STOX2: variants seen among roughly 807,000 people sequenced by gnomAD.
STOX2 encodes storkhead-box protein 2.
STOX2 carries 28 observed loss-of-function variants against 60.9 expected under a neutral mutation model. That is an observed-to-expected ratio of 0.46 (90% CI 0.34 to 0.63). The LOEUF is 0.63. STOX2 is among the 30% of genes least tolerant of loss of function. STOX2 has a pLI of 0.01. For synonymous variants in STOX2, 472 were observed against 463.9 expected (o/e 1.02, Z -0.22); for missense variants, 1,024 against 1,187.7 (o/e 0.86, Z 2.03).
rs75133727 is a variant in STOX2, at chr4:183,874,178, A to G, written c.364+76123A>G. Among the ~76,000 whole-genome samples the G allele has an allele frequency of 2.8e-3, 434 of 152,298 alleles. 1 individual carries two copies. Among genetic ancestry groups the G allele is most frequent in the African/African-American group, 8.9e-3 (369 of 41,556 alleles). On this transcript the variant is annotated intron_variant, in intron 1 of 2. Coordinates refer to the STOX2 transcript ENST00000513034. ...AACAGATTGCAGAGACTTGGAGAAA[A>G]AAAAATGTCACGGATGTGTCCAACC...
At chr4:183,898,630 T>C (rs929191257) in intron 1 of STOX2, among the ~76,000 whole-genome samples, 1 of 152,110 alleles carries the variant, frequency 6.6e-6, no homozygotes, top group Non-Finnish European at 1.5e-5. Context: ...AGAAGGGCGA[T>C]TGGGTGGAAT....
chr4:183,982,409 G>A (rs1396385801), intron 1 of STOX2, among the ~76,000 whole-genome samples: 1 of 152,192 alleles, frequency 6.6e-6, no homozygotes, highest in African/African-American at 2.4e-5. Flanking sequence ...CCACCACTTA[G>A]TCAATCCTGG....
At chr4:183,937,309 A>C (rs1486906259) in intron 1 of STOX2, among the ~76,000 whole-genome samples, 2 of 152,224 alleles carry the variant, frequency 1.3e-5, no homozygotes, top group Non-Finnish European at 2.9e-5. Flanking sequence ...AGTTAATGTC[A>C]GTTTCCTGTT....
intron 1 of STOX2, among the ~76,000 whole-genome samples, chr4:183,840,382 C>T (rs565757655): frequency 2.0e-4 from 31 of 152,312 alleles, no homozygotes; most frequent in African/African-American, 7.5e-4. Flanking sequence ...GGAATTCTCT[C>T]GGTAATTTCT....
chr4:183,807,667 C>T (rs1216775130), intron 1 of STOX2, among the ~76,000 whole-genome samples: 2 of 152,168 alleles, frequency 1.3e-5, no homozygotes, highest in Non-Finnish European at 2.9e-5. Flanking sequence ...GTTTGGCAGC[C>T]CTGGTGGGTG....
chr4:183,867,182 A>G (rs911780043), intron 1 of STOX2, among the ~76,000 whole-genome samples: 2 of 152,142 alleles, frequency 1.3e-5, no homozygotes, highest in Non-Finnish European at 2.9e-5. Context: ...TCTATTACCC[A>G]TGTGGGCACA....
At chr4:184,003,514 A>G (rs1375568858) in intron 2 of STOX2, among the ~76,000 whole-genome samples, 1 of 152,244 alleles carries the variant, frequency 6.6e-6, no homozygotes, top group African/African-American at 2.4e-5. Context: ...TCTGTGTGAC[A>G]CTGATGACTC....
intron 1 of STOX2, among the ~76,000 whole-genome samples, chr4:183,884,438 G>T (rs1741034370): frequency 6.6e-6 from 1 of 152,054 alleles, no homozygotes; most frequent in Admixed American, 6.5e-5. Flanking sequence ...AGGAGTTCGT[G>T]ACCAGCTTGG....
At chr4:183,833,837 C>T (rs1161624761) in intron 1 of STOX2, among the ~76,000 whole-genome samples, 2 of 151,352 alleles carry the variant, frequency 1.3e-5, no homozygotes, top group Non-Finnish European at 2.9e-5. Flanking sequence ...CAAAAATTAG[C>T]CGGGCGTGGT....
intron 1 of STOX2, among the ~76,000 whole-genome samples, chr4:183,939,401 GTC>G (rs1031181962): frequency 5.7e-4 from 87 of 152,258 alleles, no homozygotes; most frequent in African/African-American, 2.0e-3. Context: ...CCCATCTTCT[GTC>G]TCTATGAAAA....
chr4:183,841,402 A>G (rs1269293844), intron 1 of STOX2, among the ~76,000 whole-genome samples: 1 of 151,250 alleles, frequency 6.6e-6, no homozygotes, highest in African/African-American at 2.5e-5. Context: ...TTAGAGAGAC[A>G]GGAACTTGCA....
upstream of STOX2, among the ~76,000 whole-genome samples, chr4:183,904,990 A>C (rs1579395359): frequency 6.6e-6 from 1 of 152,368 alleles, no homozygotes; most frequent in Non-Finnish European, 1.5e-5. Flanking sequence ...TGAACGTTGC[A>C]TTGTCACAGA....
chr4:183,887,349 A>C (rs563945702), intron 1 of STOX2, among the ~76,000 whole-genome samples: 1 of 152,178 alleles, frequency 6.6e-6, no homozygotes, highest in African/African-American at 2.4e-5. Flanking sequence ...GACACCATCA[A>C]TTTAGGCCGT....
At chr4:183,879,623 C>G (rs1740909702) in intron 1 of STOX2, among the ~76,000 whole-genome samples, 1 of 152,186 alleles carries the variant, frequency 6.6e-6, no homozygotes, top group Non-Finnish European at 1.5e-5. Context: ...GCACCTTTCA[C>G]CATTTCTCCA....
intron 1 of STOX2, among the ~76,000 whole-genome samples, chr4:183,974,088 A>T: frequency 6.6e-6 from 1 of 152,346 alleles, no homozygotes; most frequent in South Asian, 2.1e-4. Context: ...TTGTAAGATA[A>T]AGAGAAGAGG....
chr4:183,928,746 A>G (rs1467858797), intron 1 of STOX2, among the ~76,000 whole-genome samples: 1 of 151,418 alleles, frequency 6.6e-6, no homozygotes, highest in East Asian at 1.9e-4. Context: ...CAGAGGTTGC[A>G]GTGAGCCGAG....
Position 183,848,150 on chromosome 4 carries a change from G to A in STOX2, c.364+50095G>A, listed in dbSNP as rs190125926. Among the ~76,000 whole-genome samples the A allele has an allele frequency of 5.9e-5, 9 of 152,282 alleles. No individual in the cohort carries two copies. The East Asian group carries it at 1.7e-3, about 29-fold the overall frequency. On this transcript the variant is annotated intron_variant, in intron 1 of 2. Coordinates refer to the STOX2 transcript ENST00000513034. ...TGTTTCATACTGGCCCACACAAATA[G>A]GAATTTATTTGACTCACATAACAGG...
intron 1 of STOX2, among the ~76,000 whole-genome samples, chr4:183,872,583 G>A (rs1005233141): frequency 6.6e-6 from 1 of 152,034 alleles, no homozygotes; most frequent in African/African-American, 2.4e-5. Flanking sequence ...ATTTAACATC[G>A]ATCATAAAAG....
chr4:183,987,623 T>C (rs1262099356), intron 1 of STOX2: 1 of 152,144 alleles, frequency 6.6e-6, no homozygotes, highest in East Asian at 1.9e-4. Flanking sequence ...GCTCCTGACA[T>C]AGTGACCTCA....
Sources: allele counts gnomAD v4.1 joint callset (sites outside exome capture counted in the v4.1 genomes callset), GRCh38; gene constraint gnomAD v4.1.1; transcripts MANE v1.5; gene names NCBI Gene and HGNC (gene_info 2026-07-23, HGNC 2026-07-21).